The following COL4A5 variants were observed in gnomAD, a reference collection of about 807,000 sequenced individuals.
COL4A5 encodes collagen alpha-5(IV) chain.
In COL4A5, 26 loss-of-function variants were observed where a neutral mutation model predicts 130.2. That is an observed-to-expected ratio of 0.20 (90% confidence interval 0.15 to 0.28). COL4A5 has a LOEUF of 0.28. COL4A5 is among the 10% of genes least tolerant of loss of function. The probability of loss-of-function intolerance (pLI) is 1.00; values close to 1 mark genes in which losing one functional copy is unlikely to be tolerated. For missense variants in COL4A5, 1,131 were observed against 1,344.3 expected (o/e 0.84, Z 2.48); for synonymous variants, 496 against 439.6 (o/e 1.13, Z -1.60).
intron 1 of COL4A5, among the ~76,000 whole-genome samples, chrX:108,451,601 A>G (rs866493607): frequency 1.0e-3 from 111 of 109,897 alleles, no homozygotes; most frequent in African/African-American, 3.2e-3. Context: ...GCCAGTGATG[A>G]TGAGCATTTT....
At chrX:108,690,151 T>C (rs1320802179) in intron 49 of COL4A5, 3 of 340,009 alleles carry the variant, frequency 8.8e-6, no homozygotes, top group Non-Finnish European at 1.1e-5. Flanking sequence ...AAGAAAAATG[T>C]ATATAAATAT....
chrX:108,454,844 C>A (rs1163492713), intron 1 of COL4A5, among the ~76,000 whole-genome samples: 1 of 111,034 alleles, frequency 9.0e-6, no homozygotes, highest in Non-Finnish European at 1.9e-5. Context: ...AACTCCTGGA[C>A]TCAAGGGATC....
At chrX:108,564,797 A>G (rs191065384) in intron 4 of COL4A5, among the ~76,000 whole-genome samples, 134 of 111,788 alleles carry the variant, frequency 1.2e-3, no homozygotes, top group African/African-American at 3.9e-3. Flanking sequence ...AAAGATAACC[A>G]TTTGATCATC....
chrX:108,611,130 G>A (rs1401575549), intron 29 of COL4A5, among the ~76,000 whole-genome samples: 3 of 111,429 alleles, frequency 2.7e-5, no homozygotes, highest in Non-Finnish European at 5.7e-5. Flanking sequence ...TTACTAAACT[G>A]TAGGAAAGGT....
At chrX:108,508,557 C>CAAAAAAAAAAAA (rs1182036182) in intron 1 of COL4A5, among the ~76,000 whole-genome samples, 80 of 38,150 alleles carry the variant, frequency 2.1e-3, no homozygotes, top group Non-Finnish European at 2.5e-3. Flanking sequence ...CATGTAGGAC[C>CAAAAAAAAAAAA]AAAAAAAAAA....
chrX:108,635,906 T>A (rs2067342949), intron 36 of COL4A5, among the ~76,000 whole-genome samples: 1 of 112,196 alleles, frequency 8.9e-6, no homozygotes, highest in Non-Finnish European at 1.9e-5. Context: ...TGTTCTCACT[T>A]AAAGTTTGGA....
At chrX:108,554,209 C>G (rs1218065868) in intron 2 of COL4A5, among the ~76,000 whole-genome samples, 4 of 111,486 alleles carry the variant, frequency 3.6e-5, no homozygotes, top group Non-Finnish European at 7.5e-5. Context: ...AAGAAATACT[C>G]AAGACTGGGT....
In COL4A5 at chrX:108,527,203, G is replaced by T. The variant is rs182630259; in HGVS notation, c.82-12543G>T. 9.9e-4 allele frequency among the ~76,000 whole-genome samples: 110 copies of T among 111,150 alleles called. 3 individuals are homozygous for T. In the East Asian group the frequency reaches 0.03, roughly 31 times the overall value. On this transcript the variant is annotated intron_variant, in intron 1 of 52. Coordinates refer to ENST00000328300, the MANE Select transcript of COL4A5 (RefSeq NM_033380.3). Reference sequence around the variant, plus strand: ...CTGATATATTTGTTTTATTTGTCTTGCATTTTAAGGTATCACTTTCTCTGT... The same window carrying T: ...CTGATATATTTGTTTTATTTGTCTTTCATTTTAAGGTATCACTTTCTCTGT...
At chrX:108,585,166 C>G (rs1040293944) in intron 18 of COL4A5, among the ~76,000 whole-genome samples, 18 of 111,912 alleles carry the variant, frequency 1.6e-4, no homozygotes, top group South Asian at 3.7e-4. Context: ...TGAGGTTTAA[C>G]ATATTGGTTT....
At chrX:108,650,070 A>C (rs191883443) in intron 36 of COL4A5, among the ~76,000 whole-genome samples, 14 of 111,368 alleles carry the variant, frequency 1.3e-4, no homozygotes, top group African/African-American at 2.9e-4. Flanking sequence ...AGAAAAAAAA[A>C]CAAAAAACAA....
At position 108,658,525 on chromosome X, in the gene COL4A5, G is replaced by A. The variant is rs980463276; in HGVS notation, c.3373+3068G>A. Among the ~76,000 whole-genome samples the A allele has an allele frequency of 1.7e-4, 19 of 110,869 alleles. 1 individual carries two copies. The highest frequency in any genetic ancestry group is 1.9e-5 in the Non-Finnish European group (1 of 52,595). The stretch of plus-strand genomic sequence containing the variant: ...ATGTTTCATAGAATTCACCAGTTAA[G>A]GAATCTGGATCTGTAGTTTTCTTTG... On this transcript the variant is annotated intron_variant, in intron 37 of 52. Transcript: ENST00000328300.
intron 2 of COL4A5, among the ~76,000 whole-genome samples, chrX:108,552,394 A>C (rs750306326): frequency 1.2e-4 from 13 of 111,812 alleles, no homozygotes; most frequent in Admixed American, 4.8e-4. Flanking sequence ...TTCACCCATT[A>C]AAAGACATCT....
At position 108,692,875 on chromosome X, in the gene COL4A5, A is replaced by G; in HGVS notation, c.4656A>G (p.Pro1552=). 2 of 1,211,570 alleles carry G rather than the reference A, an allele frequency of 1.7e-6. No individual in the cohort carries two copies. The highest frequency in any genetic ancestry group is 2.2e-6 in the Non-Finnish European group (2 of 895,376). Residue 1552 remains proline, a synonymous_variant, in exon 50 of 53, where the codon CCA becomes CCG. Transcript: ENST00000328300. ...SYWLSTPEPM[P]MSMQPLKGQS... is the part of the protein sequence containing the mutation. ...GGCTCTCTACCCCAGAGCCCATGCCAATGAGCATGCAACCCCTAAAGGGCC... is the reference window on the plus strand; with the variant it reads ...GGCTCTCTACCCCAGAGCCCATGCCGATGAGCATGCAACCCCTAAAGGGCC...
intron 1 of COL4A5, among the ~76,000 whole-genome samples, chrX:108,447,747 G>A (rs1396485547): frequency 1.8e-5 from 2 of 111,641 alleles, no homozygotes; most frequent in Non-Finnish European, 3.8e-5. Flanking sequence ...AGTCTCTAAT[G>A]ATTTTCTTTT....
intron 13 of COL4A5, among the ~76,000 whole-genome samples, chrX:108,580,134 C>A (rs1420762574): frequency 1.8e-5 from 2 of 110,954 alleles, no homozygotes; most frequent in Non-Finnish European, 1.9e-5. Flanking sequence ...ACAGGGGGTA[C>A]ATGTACAGGT....
At chrX:108,476,868 G>T (rs185374239) in intron 1 of COL4A5, among the ~76,000 whole-genome samples, 1 of 111,459 alleles carries the variant, frequency 9.0e-6, no homozygotes, top group East Asian at 2.8e-4. Flanking sequence ...CTTGGCTCTT[G>T]TGAATAGCGC....
At chrX:108,664,147 C>T (rs979180236) in intron 37 of COL4A5, among the ~76,000 whole-genome samples, 13 of 111,121 alleles carry the variant, frequency 1.2e-4, no homozygotes, top group African/African-American at 4.3e-4. Flanking sequence ...ATCGCGCCAC[C>T]GCAATCCAGC....
rs964309904 is a variant in COL4A5 at position 108,683,611 on chromosome X, T to C, written c.4216+1723T>C. Among the ~76,000 whole-genome samples, 42 of 111,440 alleles carry C rather than the reference T, an allele frequency of 3.8e-4. 1 individual carries two copies. The highest frequency in any genetic ancestry group is 5.7e-4 in the Admixed American group (6 of 10,445). On this transcript the variant is annotated intron_variant, in intron 47 of 52. Transcript: ENST00000328300. ...GTTTTGCCTGAAGAGGTCCTCCACA[T>C]CCCTTGTAAATTGTATTCCTAGGTA...
At chrX:108,546,481 G>C (rs758829333) in intron 2 of COL4A5, among the ~76,000 whole-genome samples, 29 of 112,347 alleles carry the variant, frequency 2.6e-4, no homozygotes, top group African/African-American at 6.8e-4. Context: ...GAGATCCACT[G>C]TTAGTCTGAT....
Sources: gnomAD v4.1 joint callset for allele counts (sites outside exome capture counted in the v4.1 genomes callset) on GRCh38, gnomAD v4.1.1 for gene constraint, MANE v1.5 for transcripts, NCBI Gene and HGNC (gene_info 2026-07-23, HGNC 2026-07-21) for gene names.